Variants in MORN5 observed in about 807,000 individuals in gnomAD.
MORN5 encodes the protein MORN repeat containing 5.
Under a neutral mutation model 22.1 loss-of-function variants are expected in MORN5, and 21 were observed. That is an observed-to-expected ratio of 0.95 (90% CI 0.67 to 1.37). MORN5 has a LOEUF of 1.37. Among genes scored for constraint, MORN5 ranks in the 40% most tolerant of loss-of-function variants. The pLI is 0.00. For synonymous variants in MORN5, 73 were observed against 74.0 expected (o/e 0.99, Z 0.07); for missense variants, 211 against 215.1 (o/e 0.98, Z 0.12).
chr9:122,192,440 C>G (rs61671659), intron 4 of MORN5, among the ~76,000 whole-genome samples: 16,253 of 152,224 alleles, frequency 0.11, 1,569 homozygotes, highest in African/African-American at 0.27. Flanking sequence ...AAGCTCTTAA[C>G]CATCATGCCA....
chr9:122,177,326 C>CCCTA (rs1201363085), intron 4 of MORN5, among the ~76,000 whole-genome samples: 4 of 152,222 alleles, frequency 2.6e-5, no homozygotes. Context: ...GCCTGACAGC[C>CCCTA]CCTAACAAGG....
intron 4 of MORN5, chr9:122,175,566 T>C: frequency 1.0e-6 from 1 of 985,020 alleles, no homozygotes; most frequent in Non-Finnish European, 1.2e-6. Flanking sequence ...GCCAGAAAAA[T>C]GTCCAATGCA....
Position 122,200,044 on chromosome 9 carries a change from A to G in MORN5, c.*113A>G. 9.8e-7 allele frequency: 1 copy of G among 1,022,040 alleles called. No homozygotes were observed. Among genetic ancestry groups the G allele is most frequent in the Non-Finnish European group, 1.5e-6 (1 of 655,330 alleles). 63.3% of individuals were successfully genotyped at this position (1,022,040 alleles called of 1,614,324 possible). A position where few individuals can be genotyped will look rare whatever the true frequency, so the allele number is the denominator to read the frequency against. On this transcript the variant is annotated 3_prime_UTR_variant, in exon 5 of 5. Transcript: ENST00000373764. Reference sequence around the variant, plus strand: ...CCTGGGGGACGGGCTGTAGTTCTAGAACCTGATTTTAACTCAGGAATAAAG... The same window carrying G: ...CCTGGGGGACGGGCTGTAGTTCTAGGACCTGATTTTAACTCAGGAATAAAG...
intron 4 of MORN5, chr9:122,174,889 T>C: frequency 7.8e-7 from 1 of 1,282,218 alleles, no homozygotes; most frequent in Non-Finnish European, 1.0e-6. Context: ...AAGGTACTTA[T>C]TTTTGTATGC....
At chr9:122,190,670 G>A (rs867984703) in intron 4 of MORN5, among the ~76,000 whole-genome samples, 8 of 152,238 alleles carry the variant, frequency 5.3e-5, no homozygotes, top group Admixed American at 2.6e-4. Context: ...GGGAAAAGCC[G>A]GAGCAGGCCC....
At chr9:122,165,093 G>A (rs1829254745) in intron 1 of MORN5, among the ~76,000 whole-genome samples, 2 of 152,184 alleles carry the variant, frequency 1.3e-5, no homozygotes, top group Non-Finnish European at 2.9e-5. Context: ...AGAGGTATTA[G>A]CAAAAGCCTA....
intron 4 of MORN5, among the ~76,000 whole-genome samples, chr9:122,196,964 C>A (rs1391936813): frequency 1.3e-5 from 2 of 152,190 alleles, no homozygotes; most frequent in African/African-American, 4.8e-5. Flanking sequence ...CTCCCCGAAT[C>A]TAGCACAATG....
chr9:122,189,022 C>G (rs1039916190), intron 4 of MORN5, among the ~76,000 whole-genome samples: 1 of 151,976 alleles, frequency 6.6e-6, no homozygotes, highest in African/African-American at 2.4e-5. Context: ...TGGTGAAACC[C>G]CGTCTCTACT....
At position 122,175,983 on chromosome 9, in the gene MORN5, G is replaced by A. The variant is rs58361152; in HGVS notation, c.439+1356G>A. Among the ~76,000 whole-genome samples, 448 of 152,130 alleles carry A rather than the reference G, an allele frequency of 2.9e-3. 2 individuals are homozygous for A. The highest frequency in any genetic ancestry group is 9.1e-3 in the African/African-American group (379 of 41,500). ...CAAAAAATTAGCCGGGTGCGGTGGC[G>A]GGCGCCTGTAGTCCCACCTACTCAG... On this transcript the variant is annotated intron_variant, in intron 4 of 4. Transcript: ENST00000373764.
chr9:122,191,538 C>T (rs1052764886), intron 4 of MORN5, among the ~76,000 whole-genome samples: 4 of 152,212 alleles, frequency 2.6e-5, no homozygotes, highest in Non-Finnish European at 5.9e-5. Flanking sequence ...CCTAAGTGCC[C>T]GGCCATTGTG....
chr9:122,173,506 C>G (rs1430223245), intron 3 of MORN5, among the ~76,000 whole-genome samples: 1 of 152,188 alleles, frequency 6.6e-6, no homozygotes, highest in Non-Finnish European at 1.5e-5. Context: ...AGAGTACCTA[C>G]TGTGTGCAAG....
chr9:122,166,776 G>A lies in MORN5; in HGVS notation c.56G>A (p.Gly19Asp). Residue 19 changes from glycine (G) to aspartate (D), a missense_variant, in exon 2 of 5, where the codon GGC becomes GAC. Physicochemically the swap from Gly to Asp is moderately conservative, Grantham distance 94 (BLOSUM62 -1). Transcript: ENST00000373764. ...TCCCTGTGTCTTTACAGGATGGAGG[G>A]CAAAGCCAAGTACATCCTCCCTACC... ...IGEYVDGRME[G>D]KAKYILPTET... 3.1e-6 allele frequency: 5 copies of A among 1,613,208 alleles called. No individual in the cohort carries two copies. The East Asian group carries it at 1.1e-4, about 36-fold the overall frequency.
intron 4 of MORN5, among the ~76,000 whole-genome samples, chr9:122,185,045 A>G (rs180882610): frequency 1.1e-4 from 16 of 152,292 alleles, no homozygotes; most frequent in Admixed American, 9.2e-4. Flanking sequence ...ACTTTGGCCA[A>G]TGAACAAGTC....
Position 122,171,946 on chromosome 9 carries a change from C to CTT in MORN5, c.307+2215_307+2216dup, listed in dbSNP as rs71371928. Among the ~76,000 whole-genome samples the CTT allele has an allele frequency of 2.0e-3, 118 of 58,610 alleles. 6 individuals are homozygous for CTT. Among genetic ancestry groups the CTT allele is most frequent in the Middle Eastern group, 0.026 (2 of 76 alleles). The allele number at this position is 58,610 out of a possible 152,430, so 38.5% of individuals were successfully genotyped here. ...TTCTCCATTCTGCAGTCACTTCCATCTTTTTTTTTTTTTTTTTTTTTTTTT... is the reference window on the plus strand; with the variant it reads ...TTCTCCATTCTGCAGTCACTTCCATCTTTTTTTTTTTTTTTTTTTTTTTTTTT... On this transcript the variant is annotated intron_variant, in intron 3 of 4. Coordinates refer to ENST00000373764, the MANE Select transcript of MORN5 (RefSeq NM_198469.4).
chr9:122,167,619 C>A (rs1288071040), intron 2 of MORN5, among the ~76,000 whole-genome samples: 1 of 152,094 alleles, frequency 6.6e-6, no homozygotes, highest in African/African-American at 2.4e-5. Context: ...TCTGTTACAC[C>A]ACTTACTGCC....
chr9:122,199,262 CTGTT>C (rs1362834421), intron 4 of MORN5, among the ~76,000 whole-genome samples: 1 of 152,208 alleles, frequency 6.6e-6, no homozygotes, highest in African/African-American at 2.4e-5. Flanking sequence ...CTGTGAGCCT[CTGTT>C]TGTTCATCTG....
intron 4 of MORN5, chr9:122,174,983 G>GC (rs1829427335): frequency 3.5e-6 from 2 of 575,522 alleles, no homozygotes; most frequent in South Asian, 1.5e-4. Context: ...GCTGGACACA[G>GC]CCCCCCTTCC....
chr9:122,187,549 A>T (rs932725576), intron 4 of MORN5, among the ~76,000 whole-genome samples: 2 of 152,322 alleles, frequency 1.3e-5, no homozygotes, highest in African/African-American at 4.8e-5. Context: ...GAGGGAACAT[A>T]TACATAAATA....
At chr9:122,172,467 CAA>C (rs1387585456) in intron 3 of MORN5, among the ~76,000 whole-genome samples, 1 of 152,114 alleles carries the variant, frequency 6.6e-6, no homozygotes, top group Admixed American at 6.6e-5. Context: ...TTCTGTTTCT[CAA>C]AGAGACCACA....
Sources: gnomAD v4.1 joint callset for allele counts (sites outside exome capture counted in the v4.1 genomes callset) on GRCh38, gnomAD v4.1.1 for gene constraint, MANE v1.5 for transcripts, NCBI Gene and HGNC (gene_info 2026-07-23, HGNC 2026-07-21) for gene names.